GRIK3: variants seen among roughly 807,000 people sequenced by gnomAD.
The protein encoded by GRIK3 is glutamate ionotropic receptor kainate type subunit 3, also known as glutamate receptor ionotropic, kainate 3.
In GRIK3, 29 loss-of-function variants were observed where a neutral mutation model predicts 102.5. The observed-to-expected ratio is 0.28, with a 90% confidence interval of 0.21 to 0.39. The LOEUF (loss-of-function observed/expected upper bound fraction) is 0.39, where lower values mean the gene tolerates loss of function less well. Among genes scored for constraint, GRIK3 ranks in the 10% least tolerant of loss-of-function variants. The pLI, the probability that GRIK3 is intolerant of heterozygous loss-of-function variation, is 1.00. For synonymous variants in GRIK3, 511 were observed against 504.9 expected, an observed-to-expected ratio of 1.01 and a Z score of -0.16; for missense variants, 908 against 1,252.4, an observed-to-expected ratio of 0.73 and a Z score of 4.15.
chr1:36,945,216 G>A (rs527969818), intron 1 of GRIK3, among the ~76,000 whole-genome samples: 2 of 152,382 alleles, frequency 1.3e-5, no homozygotes, highest in East Asian at 3.9e-4. Context: ...TGATGAGGCA[G>A]TTTCAATTGA....
At chr1:36,902,334 T>G (rs576401404) in intron 1 of GRIK3, among the ~76,000 whole-genome samples, 18 of 152,350 alleles carry the variant, frequency 1.2e-4, no homozygotes, top group African/African-American at 4.3e-4. Flanking sequence ...CAAGACTTGC[T>G]ATAAAGCTAT....
At chr1:36,908,047 A>C (rs1641304836) in intron 1 of GRIK3, among the ~76,000 whole-genome samples, 1 of 152,108 alleles carries the variant, frequency 6.6e-6, no homozygotes, top group East Asian at 1.9e-4. Flanking sequence ...CTGCAGTATG[A>C]CATATTCTTT....
intron 1 of GRIK3, among the ~76,000 whole-genome samples, chr1:36,997,789 C>A (rs905862366): frequency 2.0e-5 from 3 of 152,120 alleles, no homozygotes; most frequent in Admixed American, 2.0e-4. Flanking sequence ...TCAAGCCTAG[C>A]CCACATCCTG....
At chr1:36,932,470 T>C (rs1277545152) in intron 1 of GRIK3, among the ~76,000 whole-genome samples, 5 of 152,296 alleles carry the variant, frequency 3.3e-5, no homozygotes, top group Admixed American at 6.5e-5. Flanking sequence ...CGTTTCTTTG[T>C]TCATTGCTAC....
At chr1:36,885,528 T>A (rs1049795161) in intron 2 of GRIK3, among the ~76,000 whole-genome samples, 1 of 152,030 alleles carries the variant, frequency 6.6e-6, no homozygotes, top group African/African-American at 2.4e-5. Context: ...CCACACTGGG[T>A]TTCATTCTGC....
intron 1 of GRIK3, among the ~76,000 whole-genome samples, chr1:36,896,461 A>G (rs531646212): frequency 6.6e-6 from 1 of 152,280 alleles, no homozygotes; most frequent in Non-Finnish European, 1.5e-5. Flanking sequence ...GATTAGTTGC[A>G]TATGTATATT....
At chr1:36,830,827 A>G (rs471187) in intron 10 of GRIK3, among the ~76,000 whole-genome samples, 2,686 of 150,066 alleles carry the variant, frequency 0.018, 118 homozygotes, top group African/African-American at 0.064. Context: ...AAAAAAAAAA[A>G]AAAAAAAAAG....
At chr1:36,972,137 T>C (rs1425528276) in intron 1 of GRIK3, among the ~76,000 whole-genome samples, 1 of 152,226 alleles carries the variant, frequency 6.6e-6, no homozygotes, top group East Asian at 1.9e-4. Context: ...TCCTGATCCA[T>C]CTTTGGCATG....
intron 5 of GRIK3, among the ~76,000 whole-genome samples, chr1:36,865,112 T>A (rs867324830): frequency 6.6e-6 from 1 of 152,216 alleles, no homozygotes; most frequent in Middle Eastern, 3.2e-3. Context: ...ATCTTCCCCA[T>A]GATATCACTG....
At chr1:36,916,652 G>C (rs761141871) in intron 1 of GRIK3, among the ~76,000 whole-genome samples, 6 of 152,208 alleles carry the variant, frequency 3.9e-5, no homozygotes, top group Non-Finnish European at 7.3e-5. Flanking sequence ...GCTTCAACGG[G>C]TGGAAGCCCC....
chr1:36,803,653 T>C (rs1175007926), intron 15 of GRIK3, among the ~76,000 whole-genome samples: 1 of 152,104 alleles, frequency 6.6e-6, no homozygotes, highest in Non-Finnish European at 1.5e-5. Context: ...GTAGTCTCAA[T>C]CTCTTGACTT....
rs1642715700 is a variant in GRIK3 at position 36,823,264 on chromosome 1, G to A, written c.1754+2339C>T. ...CGAGACGGGTGGATCATGAGGTCAGGAGATCGAGACCATCCTGGCTAACAC... is the reference window on the plus strand; with the variant it reads ...CGAGACGGGTGGATCATGAGGTCAGAAGATCGAGACCATCCTGGCTAACAC... On this transcript the variant is annotated intron_variant, in intron 11 of 15. Transcript: ENST00000373091. Among the ~76,000 whole-genome samples the A allele has an allele frequency of 3.3e-5, 5 of 152,006 alleles. No individual in the cohort carries two copies. The South Asian group carries it at 1.0e-3, about 32-fold the overall frequency.
chr1:36,804,426 A>G (rs1192974622), intron 15 of GRIK3, among the ~76,000 whole-genome samples: 1 of 152,212 alleles, frequency 6.6e-6, no homozygotes, highest in Non-Finnish European at 1.5e-5. Context: ...CTAATTTGCT[A>G]CTGGGACCCA....
At chr1:36,979,916 G>A (rs1235997318) in intron 1 of GRIK3, among the ~76,000 whole-genome samples, 4 of 152,200 alleles carry the variant, frequency 2.6e-5, no homozygotes, top group Non-Finnish European at 5.9e-5. Flanking sequence ...GTTCCCTAGA[G>A]TCCCCTGGAT....
chr1:36,843,893 G>C (rs189847977), intron 9 of GRIK3, among the ~76,000 whole-genome samples: 15 of 152,370 alleles, frequency 9.8e-5, no homozygotes, highest in African/African-American at 3.4e-4. Context: ...TAAGGCACAT[G>C]CTTAACTATG....
At chr1:36,948,754 G>T (rs1033721102) in intron 1 of GRIK3, among the ~76,000 whole-genome samples, 1 of 152,226 alleles carries the variant, frequency 6.6e-6, no homozygotes, top group African/African-American at 2.4e-5. Context: ...GCTTGTCAAT[G>T]CCTGGGGGAA....
chr1:37,032,644 T>G (rs1642840745), intron 1 of GRIK3, among the ~76,000 whole-genome samples: 1 of 152,146 alleles, frequency 6.6e-6, no homozygotes, highest in Admixed American at 6.5e-5. Flanking sequence ...CAGTGTCCCC[T>G]CCCGTGCCTG....
intron 1 of GRIK3, among the ~76,000 whole-genome samples, chr1:37,012,701 GA>G (rs1642610845): frequency 6.6e-6 from 1 of 152,218 alleles, no homozygotes; most frequent in African/African-American, 2.4e-5. Flanking sequence ...AACGCTAAAG[GA>G]ATGATTCACC....
chr1:36,910,305 A>C (rs1394101558), intron 1 of GRIK3, among the ~76,000 whole-genome samples: 1 of 152,200 alleles, frequency 6.6e-6, no homozygotes, highest in African/African-American at 2.4e-5. Flanking sequence ...CTTTTTCTGA[A>C]GTTTCCAAGG....
Sources: allele counts gnomAD v4.1 joint callset (sites outside exome capture counted in the v4.1 genomes callset), GRCh38; gene constraint gnomAD v4.1.1; transcripts MANE v1.5; gene names NCBI Gene and HGNC (gene_info 2026-07-23, HGNC 2026-07-21).